Variants in SLC25A23 observed in about 807,000 individuals in gnomAD.
SLC25A23 encodes the protein solute carrier family 25 member 23, also known as mitochondrial adenyl nucleotide antiporter SLC25A23.
Under a neutral mutation model 53.9 loss-of-function variants are expected in SLC25A23, and 32 were observed. The ratio of observed to expected loss-of-function variants is 0.59; its 90% CI spans 0.45 to 0.80. The LOEUF (loss-of-function observed/expected upper bound fraction) is 0.80, where lower values mean the gene tolerates loss of function less well. SLC25A23 is among the 30% of genes least tolerant of loss of function. SLC25A23 has a pLI of 0.00. For missense variants in SLC25A23, 575 were observed against 651.4 expected (o/e 0.88, Z 1.28); for synonymous variants, 275 against 264.5 (o/e 1.04, Z -0.38).
Position 6,458,267 on chromosome 19 carries a change from A to C in SLC25A23, c.214T>G (p.Ser72Ala), listed in dbSNP as rs746359345. Reference protein sequence around the residue: ...PDGGLDLEEFSRYLQEREQRL... With the variant: ...PDGGLDLEEFARYLQEREQRL... ...TGTTCCCGCTCCTGCAGATAGCGGG[A>C]AAATTCCTCCAGGTCGAGCCCGCCA... Residue 72 changes from serine to alanine, a missense_variant, in exon 2 of 10, where the codon TCC becomes GCC. Ser to Ala is a moderately conservative substitution (Grantham distance 99). Coordinates refer to ENST00000301454, the MANE Select transcript of SLC25A23 (RefSeq NM_024103.3). 3 of 1,613,602 alleles carry C rather than the reference A, an allele frequency of 1.9e-6. No homozygotes were observed. The highest frequency in any genetic ancestry group is 2.5e-6 in the Non-Finnish European group (3 of 1,179,982).
downstream of SLC25A23, chr19:6,438,462 G>T (rs773476503): frequency 4.1e-4 from 63 of 153,148 alleles, no homozygotes; most frequent in South Asian, 4.0e-4. Flanking sequence ...ATCCCAGCAC[G>T]TTGGGAGGCT....
chr19:6,452,504 G>A (rs772406074), intron 7 of SLC25A23, 25 bp from the exon 8 acceptor site: 1 of 1,581,938 alleles, frequency 6.3e-7, no homozygotes, highest in East Asian at 2.3e-5. Flanking sequence ...GTTATCCCTG[G>A]AAAAGCTGTC....
rs764548338 is a variant in SLC25A23, at chr19:6,459,656, C to T, written c.-28G>A. 1 of 1,334,444 alleles carries T rather than the reference C, an allele frequency of 7.5e-7. No individual in the cohort carries two copies. The highest frequency in any genetic ancestry group is 9.5e-7 in the Non-Finnish European group (1 of 1,050,082). The allele number at this position is 1,334,444 out of a possible 1,614,324, so 82.7% of individuals were successfully genotyped here. Reference sequence around the variant, plus strand: ...CGCCCGCCCGGGGGGGAGGGGAGGCCCGGCAGCGGCGGCCTCAGTGGGGGC... The same window carrying T: ...CGCCCGCCCGGGGGGGAGGGGAGGCTCGGCAGCGGCGGCCTCAGTGGGGGC... On this transcript the variant is annotated 5_prime_UTR_variant, in exon 1 of 10. Coordinates refer to ENST00000301454, the MANE Select transcript of SLC25A23 (RefSeq NM_024103.3). This position sits in a 1 kb window ranked among gnomAD's most constrained non-coding sequence, Gnocchi z 4.6.
At chr19:6,446,453 A>G (rs1167065034) in intron 8 of SLC25A23, among the ~76,000 whole-genome samples, 1 of 152,184 alleles carries the variant, frequency 6.6e-6, no homozygotes, top group Non-Finnish European at 1.5e-5. Flanking sequence ...TCCCACTCCA[A>G]TTCAGACCTG....
intron 7 of SLC25A23, among the ~76,000 whole-genome samples, chr19:6,453,076 C>T (rs1048698231): frequency 1.3e-5 from 2 of 152,076 alleles, no homozygotes; most frequent in Non-Finnish European, 2.9e-5. Flanking sequence ...CTTCTTCCTT[C>T]TTGGCTGGAG....
chr19:6,454,034 C>T lies in SLC25A23; in HGVS notation c.850G>A (p.Val284Met), dbSNP rs370742392. ...QETLHVQERFVAGSLAGATAQ... is the reference protein window; with the variant it reads ...QETLHVQERFMAGSLAGATAQ... Reference sequence around the variant, plus strand: ...GTGGCACCAGCCAGGGAGCCAGCCACGAAGCGCTCCTGCACATGCAGTGTC... The same window carrying T: ...GTGGCACCAGCCAGGGAGCCAGCCATGAAGCGCTCCTGCACATGCAGTGTC... Residue 284 changes from valine (V) to methionine (M), a missense_variant, in exon 7 of 10, where the codon GTG becomes ATG. By Grantham distance (21) the Val-to-Met change is conservative. Transcript: ENST00000301454. The surrounding 1 kb of genome is among the most constrained non-coding windows in gnomAD (Gnocchi z 4.3). The T allele has an allele frequency of 7.4e-6, 12 of 1,613,500 alleles. No homozygotes were observed. The highest frequency in any genetic ancestry group is 1.6e-4 in the Middle Eastern group (1 of 6,082).
Position 6,450,020 on chromosome 19 carries a change from G to C in SLC25A23, c.1071+2292C>G, listed in dbSNP as rs548293525. Among the ~76,000 whole-genome samples, 23 of 151,366 alleles carry C rather than the reference G, an allele frequency of 1.5e-4. No individual in the cohort carries two copies. The East Asian group carries it at 4.5e-3, about 30-fold the overall frequency. ...TTATAGGTGCCCACCACCACGCTCG[G>C]CTAATTTTTGTATTTTTAGCAGAGC... On this transcript the variant is annotated intron_variant, in intron 8 of 9. Coordinates refer to ENST00000301454, the MANE Select transcript of SLC25A23 (RefSeq NM_024103.3).
At chr19:6,456,060 T>C in intron 4 of SLC25A23, 1 of 1,335,840 alleles carries the variant, frequency 7.5e-7, no homozygotes, top group Non-Finnish European at 9.8e-7. Context: ...CCGTAGAATC[T>C]TTTATCCAGG....
At chr19:6,447,022 AGAAG>A (rs1023126016) in intron 8 of SLC25A23, among the ~76,000 whole-genome samples, 2 of 145,904 alleles carry the variant, frequency 1.4e-5, no homozygotes, top group African/African-American at 5.6e-5. Context: ...AGAAACTGAA[AGAAG>A]GAAGGAAGGA....
chr19:6,445,999 C>T (rs979265011), intron 8 of SLC25A23, among the ~76,000 whole-genome samples: 3 of 152,058 alleles, frequency 2.0e-5, no homozygotes, highest in African/African-American at 4.8e-5. Context: ...ATTGCTTGAA[C>T]CCAGGAATTC....
At chr19:6,445,316 C>T (rs1283628632) in intron 8 of SLC25A23, among the ~76,000 whole-genome samples, 1 of 151,548 alleles carries the variant, frequency 6.6e-6, no homozygotes, top group Non-Finnish European at 1.5e-5. Context: ...ACCATGTTGG[C>T]CAGAGTGGTC....
At chr19:6,439,395 T>TCACACACACACACA (rs1177276755), downstream of SLC25A23, among the ~76,000 whole-genome samples, 1 of 129,506 alleles carries the variant, frequency 7.7e-6, no homozygotes, top group African/African-American at 3.3e-5. Flanking sequence ...TCTCTCTCTC[T>TCACACACACACACA]CTCTCACACA....
At position 6,444,168 on chromosome 19, in the gene SLC25A23, G is replaced by C. The variant is rs2092468748; in HGVS notation, c.1205C>G (p.Thr402Ser). The C allele has an allele frequency of 1.3e-6, 2 of 1,591,408 alleles. No individual in the cohort carries two copies. Among genetic ancestry groups the C allele is most frequent in the Admixed American group, 1.8e-5 (1 of 56,990 alleles). The change falls in exon 9 of 10, where the codon ACC (threonine) becomes AGC (serine). Residue 402 changes from threonine to serine, a missense_variant. Physicochemically the swap from Thr to Ser is moderately conservative, Grantham distance 58. Transcript: ENST00000301454. ...IASYPLALVR[T>S]RMQAQASIEG... Reference sequence around the variant, plus strand: ...GGCCTCACCTTGTGCCTGCATGCGGGTCCGGACCAGGGCCAGCGGGTAACT... The same window carrying C: ...GGCCTCACCTTGTGCCTGCATGCGGCTCCGGACCAGGGCCAGCGGGTAACT...
At chr19:6,457,977 C>T (rs1418343431) in intron 2 of SLC25A23, among the ~76,000 whole-genome samples, 4 of 152,104 alleles carry the variant, frequency 2.6e-5, no homozygotes, top group Non-Finnish European at 5.9e-5. Context: ...GGGTAATTAT[C>T]GGGGTTCTGC....
rs1412367423 is a variant in SLC25A23 at position 6,441,782 on chromosome 19, GCA to G, written c.*191_*192del. 3.6e-6 allele frequency: 2 copies of G among 552,728 alleles called. No homozygotes were observed. Among genetic ancestry groups the G allele is most frequent in the African/African-American group, 5.0e-5 (2 of 39,998 alleles). 34.2% of individuals were successfully genotyped at this position (552,728 alleles called of 1,614,324 possible). A position where few individuals can be genotyped will look rare whatever the true frequency, so the allele number is the denominator to read the frequency against. Reference sequence around the variant, plus strand: ...GGGATCGCATGACCCAGTGGTTGGGGCATAGGAGTCTAGGATCCAGGATCTGG... The same window carrying G: ...GGGATCGCATGACCCAGTGGTTGGGGTAGGAGTCTAGGATCCAGGATCTGG... On this transcript the variant is annotated 3_prime_UTR_variant, in exon 10 of 10. Transcript: ENST00000301454.
At position 6,459,424 on chromosome 19, in the gene SLC25A23, G is replaced by A. The variant is rs2092729399; in HGVS notation, c.156+49C>T. ...GCCCAGTTCAGGGGCTTGGGTAACC[G>A]GGAGCGGGCGGGGCCGGGAGGGGAG... is the stretch of plus-strand genomic sequence containing the variant. On this transcript the variant is annotated intron_variant, in intron 1 of 9. Transcript: ENST00000301454. This position sits in a 1 kb window ranked among gnomAD's most constrained non-coding sequence, Gnocchi z 4.6. The A allele has an allele frequency of 1.3e-6, 2 of 1,518,798 alleles. No individual in the cohort carries two copies. Among genetic ancestry groups the A allele is most frequent in the Non-Finnish European group, 1.8e-6 (2 of 1,136,472 alleles). The allele number at this position is 1,518,798 out of a possible 1,614,324, so 94.1% of individuals were successfully genotyped here.
downstream of SLC25A23, among the ~76,000 whole-genome samples, chr19:6,439,551 G>A (rs543536894): frequency 4.7e-4 from 72 of 152,190 alleles, no homozygotes; most frequent in Middle Eastern, 3.4e-3. Flanking sequence ...TACAGAGGCC[G>A]GGCGTGGTGG....
intron 8 of SLC25A23, 43 bp from the exon 9 acceptor site, chr19:6,444,344 C>G: frequency 6.4e-7 from 1 of 1,551,350 alleles, no homozygotes; most frequent in Non-Finnish European, 8.8e-7. Flanking sequence ...GTGGGTGACC[C>G]TAGGACCCTG....
At position 6,441,941 on chromosome 19, in the gene SLC25A23, G is replaced by A. The variant is rs1323016448; in HGVS notation, c.*34C>T. On this transcript the variant is annotated 3_prime_UTR_variant, in exon 10 of 10. Coordinates refer to ENST00000301454, the MANE Select transcript of SLC25A23 (RefSeq NM_024103.3). ...CAGTCTCCAGTGGCTGAGGTGTGGG[G>A]GGTGAGGGATTGGGGGGACGGGCTC... The A allele has an allele frequency of 1.9e-6, 3 of 1,597,632 alleles. No homozygotes were observed. The highest frequency in any genetic ancestry group is 1.3e-5 in the African/African-American group (1 of 74,484).
Sources: gnomAD v4.1 joint callset for allele counts (sites outside exome capture counted in the v4.1 genomes callset) on GRCh38, gnomAD v4.1.1 for gene constraint, Gnocchi (gnomAD v3.1) non-coding constraint, MANE v1.5 for transcripts, NCBI Gene and HGNC (gene_info 2026-07-23, HGNC 2026-07-21) for gene names.